PCDH7: variants seen among roughly 807,000 people sequenced by gnomAD.
PCDH7 encodes the protein protocadherin 7, also known as protocadherin-7.
In PCDH7, 17 loss-of-function variants were observed where a neutral mutation model predicts 58.9. That is an observed-to-expected ratio of 0.29 (90% confidence interval 0.20 to 0.43). The LOEUF is 0.43. Ranked by LOEUF, PCDH7 falls within the 20% of genes least tolerant of loss-of-function variation. The probability of loss-of-function intolerance (pLI) is 1.00; values close to 1 mark genes in which losing one functional copy is unlikely to be tolerated. For missense variants in PCDH7, 1,274 were observed against 1,441.0 expected, an observed-to-expected ratio of 0.88 and a Z score of 1.88; for synonymous variants, 664 against 616.4, an observed-to-expected ratio of 1.08 and a Z score of -1.14.
At chr4:30,732,221 A>G (rs559698817) in exon 2 of PCDH7, 2 of 152,262 alleles carry the variant, frequency 1.3e-5, no homozygotes, top group East Asian at 1.9e-4. Context: ...ATTATCCTCA[A>G]CCTCTCATTT....
intron 1 of PCDH7, among the ~76,000 whole-genome samples, chr4:30,913,305 T>C (rs1560495546): frequency 6.6e-6 from 1 of 151,900 alleles, no homozygotes; most frequent in East Asian, 1.9e-4. Flanking sequence ...TCTCTAAAAT[T>C]AAAAAAATAA....
chr4:30,914,576 G>T (rs1180708069), intron 1 of PCDH7, among the ~76,000 whole-genome samples: 1 of 152,068 alleles, frequency 6.6e-6, no homozygotes, highest in African/African-American at 2.4e-5. Context: ...AGGATAATTA[G>T]GTTTGAAATT....
At chr4:30,969,914 T>C (rs1167496009) in intron 3 of PCDH7, among the ~76,000 whole-genome samples, 1 of 152,154 alleles carries the variant, frequency 6.6e-6, no homozygotes, top group African/African-American at 2.4e-5. Flanking sequence ...TCACCTAAAT[T>C]AAAGAGGTAA....
intron 3 of PCDH7, among the ~76,000 whole-genome samples, chr4:30,968,186 G>A (rs1749158675): frequency 6.7e-6 from 1 of 149,318 alleles, no homozygotes; most frequent in Non-Finnish European, 1.5e-5. Flanking sequence ...GTACTGTTTA[G>A]CTTCCAGTAA....
rs367606855 is a variant in PCDH7, at chr4:30,843,890, A to G, written c.71-76263A>G. Among the ~76,000 whole-genome samples, 32 of 152,244 alleles carry G rather than the reference A, an allele frequency of 2.1e-4. No homozygotes were observed. The South Asian group carries it at 6.2e-3, about 30-fold the overall frequency. ...AAACCTCAGGAGTACATCCACAGTG[A>G]TGATTTCTCTGTGGGTTTCACTGGT... On this transcript the variant is annotated intron_variant, in intron 1 of 3. Coordinates refer to the PCDH7 transcript ENST00000509759.
intron 3 of PCDH7, among the ~76,000 whole-genome samples, chr4:31,083,313 AT>A (rs1456419054): frequency 6.6e-6 from 1 of 152,132 alleles, no homozygotes; most frequent in African/African-American, 2.4e-5. Context: ...AAACATCATA[AT>A]AAGAATAAAT....
At chr4:30,825,535 T>G (rs542046527) in intron 1 of PCDH7, among the ~76,000 whole-genome samples, 1 of 152,264 alleles carries the variant, frequency 6.6e-6, no homozygotes, top group East Asian at 1.9e-4. Flanking sequence ...GCAAGCCAGA[T>G]AAAAGAAAAC....
At chr4:30,812,446 C>T (rs1439145710) in intron 1 of PCDH7, among the ~76,000 whole-genome samples, 1 of 152,164 alleles carries the variant, frequency 6.6e-6, no homozygotes, top group Non-Finnish European at 1.5e-5. Flanking sequence ...CTAGTCAGGA[C>T]ATTAATTCTT....
At chr4:31,121,125 G>T (rs192848789) in intron 3 of PCDH7, among the ~76,000 whole-genome samples, 14 of 152,246 alleles carry the variant, frequency 9.2e-5, no homozygotes, top group Non-Finnish European at 1.9e-4. Context: ...ACAGGTCGCT[G>T]TAAAGATAAA....
At chr4:30,839,094 CA>C (rs1397916111) in intron 1 of PCDH7, among the ~76,000 whole-genome samples, 6 of 151,552 alleles carry the variant, frequency 4.0e-5, no homozygotes. Flanking sequence ...ATTAAATATA[CA>C]GTATATATCT....
intron 3 of PCDH7, among the ~76,000 whole-genome samples, chr4:31,031,037 G>C (rs950967163): frequency 6.6e-6 from 1 of 152,140 alleles, no homozygotes; most frequent in Admixed American, 6.5e-5. Flanking sequence ...CTGCACAAAA[G>C]TACGTGTAAT....
At chr4:30,755,450 A>G (rs1295160662) in intron 1 of PCDH7, among the ~76,000 whole-genome samples, 1 of 152,146 alleles carries the variant, frequency 6.6e-6, no homozygotes, top group Non-Finnish European at 1.5e-5. Flanking sequence ...GACAGAAAAA[A>G]AAGAGAGGCC....
intron 3 of PCDH7, among the ~76,000 whole-genome samples, chr4:30,997,606 A>T (rs771974671): frequency 2.0e-5 from 3 of 152,154 alleles, no homozygotes; most frequent in Non-Finnish European, 2.9e-5. Context: ...ACAGAAATAA[A>T]TGTGTGTTGA....
intron 3 of PCDH7, among the ~76,000 whole-genome samples, chr4:31,064,822 C>G (rs1043699607): frequency 6.6e-6 from 1 of 151,942 alleles, no homozygotes; most frequent in African/African-American, 2.4e-5. Context: ...GGAACTTTAT[C>G]TTATCTTTTT....
At chr4:30,969,015 T>A (rs538745049) in intron 3 of PCDH7, among the ~76,000 whole-genome samples, 4 of 152,316 alleles carry the variant, frequency 2.6e-5, no homozygotes, top group African/African-American at 9.6e-5. Flanking sequence ...CTTCCCCTTA[T>A]AACATTTTGT....
At chr4:30,955,708 C>T (rs61795886) in intron 3 of PCDH7, among the ~76,000 whole-genome samples, 57,636 of 151,194 alleles carry the variant, frequency 0.38, 12,635 homozygotes, top group African/African-American at 0.61. Flanking sequence ...ACCACCACAC[C>T]TGGCTAATTT....
chr4:30,840,891 C>CT (rs1024387561), intron 1 of PCDH7, among the ~76,000 whole-genome samples: 223 of 145,006 alleles, frequency 1.5e-3, no homozygotes, highest in Middle Eastern at 3.6e-3. Flanking sequence ...TTCTTTGGCC[C>CT]TTTTTTTTTT....
intron 1 of PCDH7, among the ~76,000 whole-genome samples, chr4:30,745,678 A>G (rs748396283): frequency 6.6e-6 from 1 of 151,998 alleles, no homozygotes; most frequent in Non-Finnish European, 1.5e-5. Context: ...AGCTGTAACT[A>G]ACAACAGATC....
intron 1 of PCDH7, among the ~76,000 whole-genome samples, chr4:30,807,415 C>CT (rs1726367027): frequency 6.6e-6 from 1 of 152,084 alleles, no homozygotes; most frequent in Non-Finnish European, 1.5e-5. Context: ...TTCTGGGACT[C>CT]TATTTGTTAT....
Sources: gnomAD v4.1 joint callset for allele counts (sites outside exome capture counted in the v4.1 genomes callset) on GRCh38, gnomAD v4.1.1 for gene constraint, MANE v1.5 for transcripts, NCBI Gene and HGNC (gene_info 2026-07-23, HGNC 2026-07-21) for gene names.